RBFOX3: variants seen among roughly 807,000 people sequenced by gnomAD.
RBFOX3 encodes the protein RNA binding fox-1 homolog 3.
RBFOX3 carries 17 observed loss-of-function variants against 48.7 expected under a neutral mutation model. The observed-to-expected ratio is 0.35, with a 90% confidence interval of 0.24 to 0.52. The LOEUF (loss-of-function observed/expected upper bound fraction) is 0.52, where lower values mean the gene tolerates loss of function less well. Among genes scored for constraint, RBFOX3 ranks in the 20% least tolerant of loss-of-function variants. The pLI, the probability that RBFOX3 is intolerant of heterozygous loss-of-function variation, is 0.94. For missense variants in RBFOX3, 382 were observed against 497.5 expected (o/e 0.77, Z 2.21); for synonymous variants, 212 against 209.5 (o/e 1.01, Z -0.10).
At chr17:79,430,846 G>A (rs922281698) in intron 2 of RBFOX3, among the ~76,000 whole-genome samples, 5 of 152,276 alleles carry the variant, frequency 3.3e-5, no homozygotes, top group South Asian at 4.1e-4. Context: ...CACCCGCCCT[G>A]TGCTCAGCAA....
chr17:79,438,343 C>T (rs1301115360), intron 2 of RBFOX3, among the ~76,000 whole-genome samples: 2 of 152,218 alleles, frequency 1.3e-5, no homozygotes, highest in Non-Finnish European at 2.9e-5. Context: ...TGATAGTAAA[C>T]ATGAAGTAAA....
chr17:79,585,466 A>G (rs1370568878), intron 1 of RBFOX3, among the ~76,000 whole-genome samples: 1 of 152,126 alleles, frequency 6.6e-6, no homozygotes, highest in Non-Finnish European at 1.5e-5. Context: ...CTGAGGCAGG[A>G]GAATCGCTTG....
chr17:79,093,538 G>A (rs1426055518), intron 14 of RBFOX3, among the ~76,000 whole-genome samples: 3 of 124,642 alleles, frequency 2.4e-5, no homozygotes, highest in Non-Finnish European at 4.9e-5. Flanking sequence ...TCTGAGGCTC[G>A]TTAAAAATTG....
At chr17:79,409,570 T>C (rs2063997371) in intron 2 of RBFOX3, among the ~76,000 whole-genome samples, 1 of 152,206 alleles carries the variant, frequency 6.6e-6, no homozygotes, top group Admixed American at 6.5e-5. Flanking sequence ...TGTAGATATA[T>C]GGCCTTCTGA....
At chr17:79,605,040 G>A (rs973793412) in intron 1 of RBFOX3, among the ~76,000 whole-genome samples, 9 of 152,176 alleles carry the variant, frequency 5.9e-5, no homozygotes, top group South Asian at 2.1e-4. Flanking sequence ...ACAAGGAGAC[G>A]TGGATGAGAA....
At chr17:79,565,340 T>C (rs1210053680) in intron 1 of RBFOX3, among the ~76,000 whole-genome samples, 5 of 150,028 alleles carry the variant, frequency 3.3e-5, no homozygotes, top group Non-Finnish European at 5.9e-5. Flanking sequence ...ATTTAGGACA[T>C]CTTTTTTTTT....
At chr17:79,367,728 G>A (rs1040322890) in intron 2 of RBFOX3, among the ~76,000 whole-genome samples, 1 of 152,100 alleles carries the variant, frequency 6.6e-6, no homozygotes, top group Non-Finnish European at 1.5e-5. Context: ...CACGGCCAGT[G>A]GGTGTCATGG....
intron 2 of RBFOX3, among the ~76,000 whole-genome samples, chr17:79,464,725 A>T (rs1283827193): frequency 1.3e-5 from 2 of 152,266 alleles, no homozygotes; most frequent in African/African-American, 4.8e-5. Context: ...ACCTTGGTTG[A>T]CCACAGAAAG....
intron 1 of RBFOX3, among the ~76,000 whole-genome samples, chr17:79,585,104 G>A (rs2093204434): frequency 1.3e-5 from 2 of 152,056 alleles, no homozygotes; most frequent in African/African-American, 4.8e-5. Flanking sequence ...AAGTGTGGGG[G>A]GTGGTGAGGG....
the RBFOX3 span, among the ~76,000 whole-genome samples, chr17:79,623,878 G>C: frequency 6.6e-6 from 1 of 151,590 alleles, no homozygotes; most frequent in Non-Finnish European, 1.5e-5. Context: ...CAGAGACAAT[G>C]TGATGATGGA....
At chr17:79,157,813 C>T (rs1017253402) in intron 4 of RBFOX3, among the ~76,000 whole-genome samples, 1 of 152,186 alleles carries the variant, frequency 6.6e-6, no homozygotes, top group Non-Finnish European at 1.5e-5. Context: ...CCTGGCTGGC[C>T]AGCCCCAGAT....
At chr17:79,389,968 TAGCCTCCGGGTCTCCGC>T (rs1427650154) in intron 2 of RBFOX3, among the ~76,000 whole-genome samples, 4 of 142,350 alleles carry the variant, frequency 2.8e-5, no homozygotes, top group African/African-American at 5.2e-5. Context: ...CAGGTCTCTG[TAGCCTCCGGGTCTCCGC>T]AGCCTCCAGG....
chr17:79,548,115 C>T (rs1322855206), intron 1 of RBFOX3, among the ~76,000 whole-genome samples: 2 of 152,226 alleles, frequency 1.3e-5, no homozygotes, highest in African/African-American at 4.8e-5. Context: ...TGTCTTCTAC[C>T]TGGGAACCTC....
intron 4 of RBFOX3, among the ~76,000 whole-genome samples, chr17:79,155,777 T>C (rs2045645837): frequency 6.6e-6 from 1 of 152,104 alleles, no homozygotes; most frequent in South Asian, 2.1e-4. Context: ...TGCCACAGCC[T>C]GGCAGGAGGC....
chr17:79,359,497 C>T (rs971225913), intron 2 of RBFOX3, among the ~76,000 whole-genome samples: 27 of 152,284 alleles, frequency 1.8e-4, no homozygotes, highest in African/African-American at 3.9e-4. Flanking sequence ...GCATAGCCTT[C>T]GAAGGAAGGG....
rs565045709 is a variant in RBFOX3, at chr17:79,112,518, G to A, written c.222+2976C>T. On this transcript the variant is annotated intron_variant, in intron 5 of 14. Coordinates refer to ENST00000693108, the MANE Select transcript of RBFOX3 (RefSeq NM_001350451.2). ...AGGCTGTCTTTGAGGATCCTGGGGT[G>A]GAGGAGACGGAGAGGTCTGAGGCAT... Among the ~76,000 whole-genome samples the A allele has an allele frequency of 3.3e-5, 5 of 152,298 alleles. No individual in the cohort carries two copies. The East Asian group carries it at 5.8e-4, about 18-fold the overall frequency.
chr17:79,622,946 A>G, the RBFOX3 span, among the ~76,000 whole-genome samples: 11 of 152,168 alleles, frequency 7.2e-5, no homozygotes, highest in South Asian at 6.3e-4. Flanking sequence ...CATCAGCCAC[A>G]GGCCCCATCT....
At chr17:79,619,990 C>G in the RBFOX3 span, among the ~76,000 whole-genome samples, 1 of 151,930 alleles carries the variant, frequency 6.6e-6, no homozygotes, top group African/African-American at 2.4e-5. Context: ...CGCACACACG[C>G]ACATGCACAC....
intron 3 of RBFOX3, among the ~76,000 whole-genome samples, chr17:79,305,614 T>A (rs1408045578): frequency 1.3e-5 from 2 of 152,090 alleles, no homozygotes; most frequent in African/African-American, 4.8e-5. Flanking sequence ...CACGGTCAGA[T>A]CTTTCTGCCT....
Sources: allele counts gnomAD v4.1 joint callset (sites outside exome capture counted in the v4.1 genomes callset), GRCh38; gene constraint gnomAD v4.1.1; transcripts MANE v1.5; gene names NCBI Gene and HGNC (gene_info 2026-07-23, HGNC 2026-07-21).